Variants in EXOC3L2 observed in about 807,000 individuals in gnomAD.
EXOC3L2 encodes exocyst complex component 3-like protein 2.
In EXOC3L2, 17 loss-of-function variants were observed where a neutral mutation model predicts 44.4. The ratio of observed to expected loss-of-function variants is 0.38; its 90% CI spans 0.26 to 0.57. The LOEUF (loss-of-function observed/expected upper bound fraction) is 0.57. EXOC3L2 is among the 20% of genes least tolerant of loss of function. The pLI, the probability that EXOC3L2 is intolerant of heterozygous loss-of-function variation, is 0.65. For missense variants in EXOC3L2, 541 were observed against 588.4 expected, an observed-to-expected ratio of 0.92 and a Z score of 0.83; for synonymous variants, 256 against 253.7, an observed-to-expected ratio of 1.01 and a Z score of -0.09.
In EXOC3L2 at chr19:45,231,672, G is replaced by A. The variant is rs1029993705; in HGVS notation, c.1269+91C>T. The A allele has an allele frequency of 1.4e-5, 16 of 1,118,344 alleles. No homozygotes were observed. The African/African-American group carries it at 2.2e-4, about 15-fold the overall frequency. 69.3% of individuals were successfully genotyped at this position (1,118,344 alleles called of 1,614,324 possible). ...TAAAGGGAAAAGGGAGTTGGAAAGAGTGAAAGGTGGAGGGGACAGGCTTCC... is the reference window on the plus strand; with the variant it reads ...TAAAGGGAAAAGGGAGTTGGAAAGAATGAAAGGTGGAGGGGACAGGCTTCC... On this transcript the variant is annotated intron_variant, in intron 4 of 11. Coordinates refer to ENST00000413988, the MANE Select transcript of EXOC3L2 (RefSeq NM_001382422.1).
chr19:45,241,174 G>T (rs1169744156), intron 1 of EXOC3L2, among the ~76,000 whole-genome samples: 1 of 152,084 alleles, frequency 6.6e-6, no homozygotes, highest in Non-Finnish European at 1.5e-5. Flanking sequence ...GGCACCTCCA[G>T]TCCGCCTTTG....
intron 7 of EXOC3L2, among the ~76,000 whole-genome samples, chr19:45,227,215 T>C (rs1969973964): frequency 6.6e-6 from 1 of 150,830 alleles, no homozygotes; most frequent in Non-Finnish European, 1.5e-5. Context: ...CCTCCCGGGT[T>C]CTCACCATTC....
At position 45,216,061 on chromosome 19, in the gene EXOC3L2, G is replaced by A. The variant is rs372606996; in HGVS notation, c.2120+12C>T. On this transcript the variant is annotated intron_variant, in intron 11 of 11. Transcript: ENST00000413988. Reference sequence around the variant, plus strand: ...AGGCACGGCGAGCCCTGGCCCAGGCGGGGTGTCTCACCTGATGTCTGGGTA... The same window carrying A: ...AGGCACGGCGAGCCCTGGCCCAGGCAGGGTGTCTCACCTGATGTCTGGGTA... 1.8e-4 allele frequency: 285 copies of A among 1,613,062 alleles called. No homozygotes were observed. Among genetic ancestry groups the A allele is most frequent in the Non-Finnish European group, 2.2e-4 (264 of 1,179,600 alleles).
In EXOC3L2 at chr19:45,227,619, C is replaced by T. The variant is rs768274590; in HGVS notation, c.1583+43G>A. ...TCCGGGCATCCCAGGTCAGCTTCCA[C>T]CTTGGATTGGTCCTCCCTCCATCAC... On this transcript the variant is annotated intron_variant, in intron 7 of 11. Transcript: ENST00000413988. 6 of 1,553,494 alleles carry T rather than the reference C, an allele frequency of 3.9e-6. No homozygotes were observed. In the East Asian group the frequency reaches 6.8e-5, roughly 18 times the overall value.
chr19:45,215,026 C>T (rs754009286), intron 11 of EXOC3L2, among the ~76,000 whole-genome samples: 2 of 151,756 alleles, frequency 1.3e-5, no homozygotes, highest in Non-Finnish European at 1.5e-5. Context: ...CGTGGTGGCA[C>T]ATGCCTATAC....
intron 2 of EXOC3L2, among the ~76,000 whole-genome samples, chr19:45,235,323 G>T (rs560051051): frequency 3.9e-5 from 6 of 152,162 alleles, no homozygotes; most frequent in African/African-American, 1.4e-4. Flanking sequence ...AAAAAAGAGA[G>T]AGGGGGAAAA....
rs535133900 is a variant in EXOC3L2, at chr19:45,238,151, T to C, written c.523+372A>G. Among the ~76,000 whole-genome samples, 2 of 151,430 alleles carry C rather than the reference T, an allele frequency of 1.3e-5. No homozygotes were observed. The highest frequency in any genetic ancestry group is 4.2e-4 in the South Asian group (2 of 4,794). On this transcript the variant is annotated intron_variant, in intron 2 of 11. Transcript: ENST00000413988. The surrounding 1 kb of genome is among the most constrained non-coding windows in gnomAD (Gnocchi z 5.5). ...AAAAAAATAATAATAATAAAATAAATAAAATAAAGAAATTGAAGAAATTGG... is the reference window on the plus strand; with the variant it reads ...AAAAAAATAATAATAATAAAATAAACAAAATAAAGAAATTGAAGAAATTGG...
At chr19:45,228,136 C>G in intron 5 of EXOC3L2, 29 bp downstream of exon 5, 1 of 1,613,842 alleles carries the variant, frequency 6.2e-7, no homozygotes, top group Non-Finnish European at 8.5e-7. Flanking sequence ...TCCATCCAGC[C>G]CATCCCCCAG....
Position 45,238,404 on chromosome 19 carries a change from G to C in EXOC3L2, c.523+119C>G, listed in dbSNP as rs1970102014. The C allele has an allele frequency of 2.5e-6, 1 of 399,004 alleles. No homozygotes were observed. The highest frequency in any genetic ancestry group is 4.4e-6 in the Non-Finnish European group (1 of 226,188). The allele number at this position is 399,004 out of a possible 1,614,324, so 24.7% of individuals were successfully genotyped here. ...ATGTGAGTTAGACATGTGAATTGCAGGTCGGGGTCACAGGTGGTAGCTGGG... is the reference window on the plus strand; with the variant it reads ...ATGTGAGTTAGACATGTGAATTGCACGTCGGGGTCACAGGTGGTAGCTGGG... On this transcript the variant is annotated intron_variant, in intron 2 of 11. Coordinates refer to ENST00000413988, the MANE Select transcript of EXOC3L2 (RefSeq NM_001382422.1). The surrounding 1 kb of genome is among the most constrained non-coding windows in gnomAD (Gnocchi z 5.5).
At chr19:45,222,327 G>A (rs1223434828) in intron 8 of EXOC3L2, among the ~76,000 whole-genome samples, 1 of 151,488 alleles carries the variant, frequency 6.6e-6, no homozygotes, top group African/African-American at 2.4e-5. Flanking sequence ...AGCCTCCCGA[G>A]TAGCTGGAAT....
At chr19:45,241,795 C>T (rs1970133890) in intron 1 of EXOC3L2, among the ~76,000 whole-genome samples, 1 of 97,966 alleles carries the variant, frequency 1.0e-5, no homozygotes, top group Non-Finnish European at 2.7e-5. Flanking sequence ...CTCAGGCTCC[C>T]AGTCCCTGGG....
chr19:45,221,484 G>A lies in EXOC3L2; in HGVS notation c.1720-3165C>T, dbSNP rs558991383. ...CCTGCCTACTCTCCTGAGTAGCTGGGGCTACAGGCACGTGCCACCATGCCC... is the reference window on the plus strand; with the variant it reads ...CCTGCCTACTCTCCTGAGTAGCTGGAGCTACAGGCACGTGCCACCATGCCC... On this transcript the variant is annotated intron_variant, in intron 8 of 11. Coordinates refer to ENST00000413988, the MANE Select transcript of EXOC3L2 (RefSeq NM_001382422.1). 7.2e-5 allele frequency among the ~76,000 whole-genome samples: 11 copies of A among 151,932 alleles called. No homozygotes were observed. In the South Asian group the frequency reaches 2.3e-3, roughly 32 times the overall value.
At chr19:45,239,483 T>A (rs1031723781) in intron 1 of EXOC3L2, among the ~76,000 whole-genome samples, 1 of 151,646 alleles carries the variant, frequency 6.6e-6, no homozygotes, top group Non-Finnish European at 1.5e-5. Context: ...CCCAAAGTGC[T>A]GGGATTACAG....
Position 45,217,633 on chromosome 19 carries a change from G to A in EXOC3L2, c.1893C>T (p.Pro631=), listed in dbSNP as rs916375346. ...HRRALVEYVR[P]LLRGRLRCSS... ...TGCAGCGCAGGCGCCCACGGAGCAG[G>A]GGCCGCACGTACTCGACCAGCGCCC... is the stretch of plus-strand genomic sequence containing the variant. Residue 631 remains proline, a synonymous_variant, in exon 10 of 12, where the codon CCC becomes CCT. Coordinates refer to ENST00000413988, the MANE Select transcript of EXOC3L2 (RefSeq NM_001382422.1). The A allele has an allele frequency of 1.4e-6, 2 of 1,464,136 alleles. No individual in the cohort carries two copies. The highest frequency in any genetic ancestry group is 3.0e-5 in the African/African-American group (2 of 67,660). 90.7% of individuals were successfully genotyped at this position (1,464,136 alleles called of 1,614,324 possible).
chr19:45,244,616 A>T (rs1038203674), intron 1 of EXOC3L2, among the ~76,000 whole-genome samples: 17 of 151,834 alleles, frequency 1.1e-4, no homozygotes, highest in African/African-American at 4.1e-4. Context: ...GGCCCGCAGG[A>T]TGTCTTGGCC....
At chr19:45,242,934 C>T (rs1484808183) in intron 1 of EXOC3L2, among the ~76,000 whole-genome samples, 1 of 151,686 alleles carries the variant, frequency 6.6e-6, no homozygotes, top group Non-Finnish European at 1.5e-5. Context: ...GTCCCACTCG[C>T]TCTGGCCTTC....
intron 8 of EXOC3L2, among the ~76,000 whole-genome samples, chr19:45,223,025 G>A (rs1969914741): frequency 6.6e-6 from 1 of 152,198 alleles, no homozygotes; most frequent in East Asian, 1.9e-4. Context: ...GGCCAAGTCA[G>A]GAGGATCGCT....
chr19:45,240,102 A>T (rs1970118561), intron 1 of EXOC3L2, among the ~76,000 whole-genome samples: 3 of 125,976 alleles, frequency 2.4e-5, no homozygotes, highest in African/African-American at 3.0e-5. Flanking sequence ...GCAAAGCCTA[A>T]TTTTTTTTTT....
chr19:45,235,568 A>T (rs1970075991), intron 2 of EXOC3L2, among the ~76,000 whole-genome samples: 1 of 152,014 alleles, frequency 6.6e-6, no homozygotes, highest in African/African-American at 2.4e-5. Context: ...TGGCCCTCTG[A>T]TGAGTTCAGA....
Sources: gnomAD v4.1 joint callset for allele counts (sites outside exome capture counted in the v4.1 genomes callset) on GRCh38, gnomAD v4.1.1 for gene constraint, Gnocchi (gnomAD v3.1) non-coding constraint, MANE v1.5 for transcripts, NCBI Gene and HGNC (gene_info 2026-07-23, HGNC 2026-07-21) for gene names.